The following APP variants were observed in gnomAD, a reference collection of about 807,000 sequenced individuals.
The protein encoded by APP is amyloid-beta precursor protein.
In APP, 31 loss-of-function variants were observed where a neutral mutation model predicts 101.4. That is an observed-to-expected ratio of 0.31 (90% confidence interval 0.23 to 0.41). The LOEUF (loss-of-function observed/expected upper bound fraction) is 0.41. Ranked by LOEUF, APP falls within the 10% of genes least tolerant of loss-of-function variation. APP has a pLI of 1.00. For missense variants in APP, 839 were observed against 1,003.7 expected, an observed-to-expected ratio of 0.84 and a Z score of 2.22; for synonymous variants, 366 against 364.4, an observed-to-expected ratio of 1.00 and a Z score of -0.05.
chr21:25,914,655 G>A (rs112421837), intron 13 of APP, among the ~76,000 whole-genome samples: 7,559 of 143,058 alleles, frequency 0.053, 619 homozygotes, highest in African/African-American at 0.19. Context: ...CCGGGTTGAC[G>A]CCATTCTCCT....
At chr21:25,928,347 A>AAACAAACG (rs796840834) in intron 13 of APP, among the ~76,000 whole-genome samples, 332 of 150,802 alleles carry the variant, frequency 2.2e-3, no homozygotes, top group African/African-American at 7.8e-3. Flanking sequence ...ATCTCAAAAC[A>AAACAAACG]AACAAACAAA....
intron 17 of APP, among the ~76,000 whole-genome samples, chr21:25,886,812 A>G (rs1002106090): frequency 2.6e-5 from 4 of 151,810 alleles, no homozygotes; most frequent in African/African-American, 9.7e-5. Flanking sequence ...TTTCCATTCA[A>G]CCTGACCACT....
At chr21:26,014,025 G>GA (rs34262386) in intron 6 of APP, among the ~76,000 whole-genome samples, 152,318 of 152,318 alleles carry the variant, frequency 1, 76,159 homozygotes, top group Non-Finnish European at 1. Flanking sequence ...CAACCCGGGC[G>GA]AGAGTAGAAG....
At chr21:25,907,185 A>C (rs914067829) in intron 14 of APP, among the ~76,000 whole-genome samples, 1 of 152,196 alleles carries the variant, frequency 6.6e-6, no homozygotes, top group Non-Finnish European at 1.5e-5. Context: ...TATTATTTAA[A>C]AACAATAATA....
At chr21:26,125,768 T>C (rs751723142) in intron 1 of APP, among the ~76,000 whole-genome samples, 8 of 152,340 alleles carry the variant, frequency 5.3e-5, no homozygotes, top group Non-Finnish European at 8.8e-5. Flanking sequence ...CATCAGGAGT[T>C]CTAAGAGTCA....
chr21:25,897,941 G>A (rs2038188641), intron 15 of APP: 6 of 474,968 alleles, frequency 1.3e-5, no homozygotes. Flanking sequence ...TGAAAATGGG[G>A]GAAAAGCAGA....
At chr21:25,917,261 CAAA>C (rs397867177) in intron 13 of APP, among the ~76,000 whole-genome samples, 6 of 64,570 alleles carry the variant, frequency 9.3e-5, no homozygotes, top group Admixed American at 1.8e-4. Context: ...ACTCTGTCTC[CAAA>C]AAAAAAAAAA....
chr21:26,074,090 T>A (rs2061457166), intron 3 of APP, among the ~76,000 whole-genome samples: 1 of 152,110 alleles, frequency 6.6e-6, no homozygotes, highest in Non-Finnish European at 1.5e-5. Flanking sequence ...TCAAAAAATA[T>A]ATTTTAAAAT....
intron 6 of APP, among the ~76,000 whole-genome samples, chr21:26,012,199 A>G (rs1372873935): frequency 4.6e-5 from 7 of 151,560 alleles, no homozygotes; most frequent in Non-Finnish European, 7.4e-5. Flanking sequence ...TGGTCTCCCT[A>G]TGGGGCCCAG....
At chr21:25,931,653 C>T (rs1046620214) in intron 13 of APP, among the ~76,000 whole-genome samples, 5 of 152,118 alleles carry the variant, frequency 3.3e-5, no homozygotes, top group Admixed American at 3.3e-4. Flanking sequence ...CAGGAACTGG[C>T]CCAAGGAAAA....
rs1406883988 is a variant in APP, at chr21:25,999,877, T to C, written c.1033+138A>G. 18 of 989,100 alleles carry C rather than the reference T, an allele frequency of 1.8e-5. No homozygotes were observed. In the Middle Eastern group the frequency reaches 9.0e-4, roughly 50 times the overall value. 61.3% of individuals were successfully genotyped at this position (989,100 alleles called of 1,614,324 possible). On this transcript the variant is annotated intron_variant, in intron 7 of 17. Transcript: ENST00000346798. ...ACATACTGCGGAGACTCTGAGCAATTAGAGAAGTGGACAGAAATGTGGTTA... is the reference window on the plus strand; with the variant it reads ...ACATACTGCGGAGACTCTGAGCAATCAGAGAAGTGGACAGAAATGTGGTTA...
chr21:25,921,654 C>G (rs1165278817), intron 13 of APP, among the ~76,000 whole-genome samples: 1 of 99,286 alleles, frequency 1.0e-5, no homozygotes, highest in Non-Finnish European at 2.0e-5. Context: ...TCGACACATA[C>G]ACTCTCCCAA....
At chr21:25,969,854 CAAAAG>C (rs541544438) in intron 11 of APP, among the ~76,000 whole-genome samples, 16 of 73,366 alleles carry the variant, frequency 2.2e-4, no homozygotes, top group Admixed American at 3.5e-4. Context: ...GAAAAGAAAA[CAAAAG>C]AAAAGAAAAG....
intron 14 of APP, 30 bp downstream of exon 14, chr21:25,911,711 A>T (rs201205495): frequency 6.3e-7 from 1 of 1,597,862 alleles, no homozygotes; most frequent in South Asian, 1.1e-5. Flanking sequence ...TACCTCCCAG[A>T]ACGCCCTTGC....
At chr21:26,148,531 T>C (rs996140344) in intron 1 of APP, among the ~76,000 whole-genome samples, 3 of 152,366 alleles carry the variant, frequency 2.0e-5, no homozygotes, top group Admixed American at 2.0e-4. Context: ...GTATGTAGAA[T>C]TACAAATAAG....
intron 3 of APP, among the ~76,000 whole-genome samples, chr21:26,061,475 C>T (rs1389154821): frequency 6.6e-6 from 1 of 152,190 alleles, no homozygotes; most frequent in Non-Finnish European, 1.5e-5. Flanking sequence ...GTAACTTTCA[C>T]ATTAACAAAT....
chr21:26,161,454 T>G (rs1158012962), intron 1 of APP, among the ~76,000 whole-genome samples: 2 of 152,174 alleles, frequency 1.3e-5, no homozygotes, highest in Non-Finnish European at 2.9e-5. Flanking sequence ...CTTCCTCCTT[T>G]TTATTCTGTC....
At chr21:25,987,830 T>C (rs1255134087) in intron 8 of APP, among the ~76,000 whole-genome samples, 2 of 152,154 alleles carry the variant, frequency 1.3e-5, no homozygotes, top group Non-Finnish European at 1.5e-5. Context: ...GCAGCCCTTA[T>C]TATATGTGAG....
intron 15 of APP, among the ~76,000 whole-genome samples, chr21:25,902,712 A>G (rs957741197): frequency 6.6e-6 from 1 of 152,170 alleles, no homozygotes; most frequent in Non-Finnish European, 1.5e-5. Context: ...TTAGTACTCC[A>G]TCTCCTCCCA....
Sources: gnomAD v4.1 joint callset for allele counts (sites outside exome capture counted in the v4.1 genomes callset) on GRCh38, gnomAD v4.1.1 for gene constraint, MANE v1.5 for transcripts, NCBI Gene and HGNC (gene_info 2026-07-23, HGNC 2026-07-21) for gene names.